Variants in JAK2 observed in about 807,000 individuals in gnomAD.
JAK2 encodes the protein Janus kinase 2.
In JAK2, 86 loss-of-function variants were observed where a neutral mutation model predicts 139.3. The ratio of observed to expected loss-of-function variants is 0.62; its 90% CI spans 0.52 to 0.74. The LOEUF is 0.74. Ranked by LOEUF, JAK2 falls within the 30% of genes least tolerant of loss-of-function variation. The pLI, the probability that JAK2 is intolerant of heterozygous loss-of-function variation, is 0.00. For missense variants in JAK2, 1,421 were observed against 1,360.3 expected, an observed-to-expected ratio of 1.04 and a Z score of -0.70; for synonymous variants, 490 against 437.7, an observed-to-expected ratio of 1.12 and a Z score of -1.49.
chr9:5,052,450 C>T (rs920440936), intron 6 of JAK2, among the ~76,000 whole-genome samples: 1 of 151,654 alleles, frequency 6.6e-6, no homozygotes, highest in Non-Finnish European at 1.5e-5. Flanking sequence ...AGATATTAAA[C>T]ATTCATATAA....
chr9:5,105,413 G>C (rs150865160), intron 22 of JAK2, among the ~76,000 whole-genome samples: 128 of 152,294 alleles, frequency 8.4e-4, no homozygotes, highest in African/African-American at 2.8e-3. Context: ...TGAAATACAA[G>C]AGGACACAAA....
Position 5,081,708 on chromosome 9 carries a change from A to T in JAK2, c.2435-17A>T. Reference sequence around the variant, plus strand: ...TTATTTGCTAATTTAAGGTGATAATATTCTTTATTTCTCCAGATTATGAAC... The same window carrying T: ...TTATTTGCTAATTTAAGGTGATAATTTTCTTTATTTCTCCAGATTATGAAC... On this transcript the variant is annotated splice_polypyrimidine_tract_variant and intron_variant, in intron 18 of 24. Coordinates refer to ENST00000381652, the MANE Select transcript of JAK2 (RefSeq NM_004972.4). 6.4e-7 allele frequency: 1 copy of T among 1,558,336 alleles called. No homozygotes were observed. The highest frequency in any genetic ancestry group is 8.8e-7 in the Non-Finnish European group (1 of 1,130,540).
chr9:5,053,720 G>C (rs1817573728), intron 6 of JAK2, among the ~76,000 whole-genome samples: 1 of 151,962 alleles, frequency 6.6e-6, no homozygotes, highest in South Asian at 2.1e-4. Context: ...GTGGGATTAA[G>C]AGATTTTACA....
intron 4 of JAK2, among the ~76,000 whole-genome samples, chr9:5,031,835 G>A (rs1041056089): frequency 2.6e-5 from 4 of 152,238 alleles, no homozygotes; most frequent in African/African-American, 9.6e-5. Flanking sequence ...CATGGGCGAT[G>A]CAGAAGACGG....
chr9:5,065,664 G>A (rs1818519779), intron 9 of JAK2, among the ~76,000 whole-genome samples: 1 of 152,174 alleles, frequency 6.6e-6, no homozygotes, highest in South Asian at 2.1e-4. Flanking sequence ...GGCTCACACA[G>A]TTGTAGATCC....
chr9:5,076,345 C>A (rs960498088), intron 14 of JAK2, among the ~76,000 whole-genome samples: 1 of 152,084 alleles, frequency 6.6e-6, no homozygotes, highest in Non-Finnish European at 1.5e-5. Context: ...GAAGAGTCTG[C>A]AGTGAATTTC....
At chr9:5,088,816 A>ATAAGGGCTAGT (rs1820328229) in intron 19 of JAK2, among the ~76,000 whole-genome samples, 1 of 152,222 alleles carries the variant, frequency 6.6e-6, no homozygotes, top group Non-Finnish European at 1.5e-5. Context: ...TAAGGGCACT[A>ATAAGGGCTAGT]GCCTTGTCAC....
chr9:5,093,173 G>A (rs1820717124), intron 22 of JAK2, among the ~76,000 whole-genome samples: 1 of 152,152 alleles, frequency 6.6e-6, no homozygotes, highest in Non-Finnish European at 1.5e-5. Flanking sequence ...TTAACAGCTA[G>A]ATATTTTACA....
At chr9:5,112,706 C>T (rs1822724665) in intron 22 of JAK2, 11 of 856,298 alleles carry the variant, frequency 1.3e-5, no homozygotes, top group Non-Finnish European at 1.9e-5. Context: ...GCAGCAAGTG[C>T]GAGAGCGGAA....
chr9:5,049,418 G>C (rs906485060), intron 5 of JAK2, among the ~76,000 whole-genome samples: 6 of 152,272 alleles, frequency 3.9e-5, no homozygotes, highest in Non-Finnish European at 7.4e-5. Flanking sequence ...GCTTTTGTGT[G>C]TGTGTCATTC....
intron 18 of JAK2, among the ~76,000 whole-genome samples, chr9:5,081,476 C>A (rs540495406): frequency 2.6e-4 from 40 of 152,258 alleles, no homozygotes; most frequent in Non-Finnish European, 1.3e-4. Context: ...TATTACCTTA[C>A]TTTATGAATA....
In JAK2 at chr9:5,041,546, C is replaced by T. The variant is rs1437441357; in HGVS notation, c.351-2857C>T. On this transcript the variant is annotated intron_variant, in intron 4 of 24. Coordinates refer to ENST00000381652, the MANE Select transcript of JAK2 (RefSeq NM_004972.4). ...CCATCGAAGTGCTCTGCGAGAACTT[C>T]CCAGAGGAGATGGCTACGTACCTGC... 11 of 533,348 alleles carry T rather than the reference C, an allele frequency of 2.1e-5. No individual in the cohort carries two copies. In the East Asian group the frequency reaches 4.6e-4, roughly 23 times the overall value. The allele number at this position is 533,348 out of a possible 1,614,324, so 33.0% of individuals were successfully genotyped here. A position where few individuals can be genotyped will look rare whatever the true frequency, so the allele number is the denominator to read the frequency against.
intron 15 of JAK2, among the ~76,000 whole-genome samples, chr9:5,077,919 C>G (rs184529195): frequency 2.0e-5 from 3 of 152,074 alleles, no homozygotes; most frequent in Non-Finnish European, 4.4e-5. Flanking sequence ...CATGAGAAAG[C>G]GGTGTTGACA....
chr9:5,064,082 G>A (rs1406890330), intron 8 of JAK2, among the ~76,000 whole-genome samples: 1 of 152,186 alleles, frequency 6.6e-6, no homozygotes. Context: ...CTTGAACCCA[G>A]GAGGCAGAAG....
In JAK2 at chr9:5,127,744, G is replaced by T. The variant is rs1257369981; in HGVS notation, c.*953G>T. The stretch of plus-strand genomic sequence containing the variant: ...TAAGCTTAAGCCATAAAATAGATTA[G>T]ATTGTTTTTTAAAAATGGATAGCTC... On this transcript the variant is annotated 3_prime_UTR_variant, in exon 25 of 25. Transcript: ENST00000381652. The T allele has an allele frequency of 1.3e-5, 3 of 232,458 alleles. No homozygotes were observed. Among genetic ancestry groups the T allele is most frequent in the Non-Finnish European group, 2.6e-5 (3 of 117,270 alleles). 14.4% of individuals were successfully genotyped at this position (232,458 alleles called of 1,614,324 possible).
At chr9:5,110,950 G>A (rs1822445236) in intron 22 of JAK2, 4 of 592,864 alleles carry the variant, frequency 6.7e-6, no homozygotes, top group Non-Finnish European at 9.5e-6. Context: ...CGTGGACACG[G>A]ACAAGGAGCT....
chr9:5,012,961 T>C (rs1037963802), intron 2 of JAK2, among the ~76,000 whole-genome samples: 5 of 152,150 alleles, frequency 3.3e-5, no homozygotes, highest in African/African-American at 7.2e-5. Flanking sequence ...AATAGCTGTT[T>C]AGTGTATGAT....
chr9:5,002,581 C>T (rs994388195), intron 2 of JAK2, among the ~76,000 whole-genome samples: 3 of 151,892 alleles, frequency 2.0e-5, no homozygotes, highest in African/African-American at 7.2e-5. Context: ...TCTGTGAGCA[C>T]TTGAAAAGGA....
intron 19 of JAK2, among the ~76,000 whole-genome samples, chr9:5,087,389 C>A (rs571559460): frequency 6.6e-6 from 1 of 152,320 alleles, no homozygotes; most frequent in South Asian, 2.1e-4. Flanking sequence ...AGTTGCCTCC[C>A]ACCAGGTCCT....
Sources: allele counts gnomAD v4.1 joint callset (sites outside exome capture counted in the v4.1 genomes callset), GRCh38; gene constraint gnomAD v4.1.1; transcripts MANE v1.5; gene names NCBI Gene and HGNC (gene_info 2026-07-23, HGNC 2026-07-21).